WDFY4: variants seen among roughly 807,000 people sequenced by gnomAD.
WDFY4 encodes WDFY family member 4, also known as WD repeat- and FYVE domain-containing protein 4.
A neutral mutation model predicts 351.9 loss-of-function variants in WDFY4; 169 were observed. That is an observed-to-expected ratio of 0.48 (90% confidence interval 0.42 to 0.55). WDFY4 has a LOEUF of 0.55. Among genes scored for constraint, WDFY4 ranks in the 20% least tolerant of loss-of-function variants. The probability of loss-of-function intolerance (pLI) is 0.00; values close to 1 mark genes in which losing one functional copy is unlikely to be tolerated. For synonymous variants in WDFY4, 1,622 were observed against 1,574.6 expected, an observed-to-expected ratio of 1.03 and a Z score of -0.71; for missense variants, 3,803 against 3,935.6, an observed-to-expected ratio of 0.97 and a Z score of 0.90.
chr10:48,738,343 G>A (rs746153937), intron 11 of WDFY4, among the ~76,000 whole-genome samples: 3 of 152,240 alleles, frequency 2.0e-5, no homozygotes, highest in Non-Finnish European at 4.4e-5. Flanking sequence ...AATTAGTAAT[G>A]TAAAGTCGTT....
chr10:48,770,930 G>T (rs1264554943), intron 13 of WDFY4, among the ~76,000 whole-genome samples: 1 of 152,188 alleles, frequency 6.6e-6, no homozygotes. Context: ...TTTCAGAATG[G>T]CAAAATGCAG....
chr10:48,916,543 G>A (rs1401614885), intron 47 of WDFY4, among the ~76,000 whole-genome samples: 1 of 152,124 alleles, frequency 6.6e-6, no homozygotes, highest in African/African-American at 2.4e-5. Flanking sequence ...CTACCCTACT[G>A]CCACTTGGCT....
At chr10:48,873,790 C>T (rs769430917) in intron 41 of WDFY4, 93 bp downstream of exon 41, 1 of 1,374,842 alleles carries the variant, frequency 7.3e-7, no homozygotes, top group Non-Finnish European at 9.9e-7. Context: ...TTGTTTATAT[C>T]AGGCTAAGAT....
At chr10:48,778,540 A>G (rs2066112201) in intron 17 of WDFY4, 71 bp from the exon 18 acceptor site, 2 of 1,460,264 alleles carry the variant, frequency 1.4e-6, no homozygotes, top group Non-Finnish European at 1.9e-6. Flanking sequence ...AATCAGCACC[A>G]TAGTGAATCT....
In WDFY4 at chr10:48,684,995, C is replaced by A. The variant is rs1431879786; in HGVS notation, c.-24C>A. Reference sequence around the variant, plus strand: ...ATGTCTACAGGCGCTGACGGCCACCCCTCCAGGTAGGCCACCTTGCTCTTG... The same window carrying A: ...ATGTCTACAGGCGCTGACGGCCACCACTCCAGGTAGGCCACCTTGCTCTTG... On this transcript the variant is annotated 5_prime_UTR_variant, in exon 1 of 62. Coordinates refer to ENST00000325239, the MANE Select transcript of WDFY4 (RefSeq NM_001394531.1). 4 of 152,360 alleles carry A rather than the reference C, an allele frequency of 2.6e-5. No homozygotes were observed. The highest frequency in any genetic ancestry group is 4.8e-5 in the African/African-American group (2 of 41,450). The allele number at this position is 152,360 out of a possible 1,614,324, so 9.4% of individuals were successfully genotyped here.
chr10:48,734,144 A>G, intron 10 of WDFY4, 109 bp downstream of exon 10: 2 of 942,004 alleles, frequency 2.1e-6, no homozygotes, highest in Non-Finnish European at 1.6e-6. Context: ...ACCAATACAC[A>G]GCGTTAGCTG....
At chr10:48,913,258 AAGG>A in intron 47 of WDFY4, 1 of 800,950 alleles carries the variant, frequency 1.2e-6, no homozygotes. Context: ...AAAGTAAGGA[AAGG>A]AGTTTTATGG....
At chr10:48,719,450 C>T (rs1279722050) in intron 2 of WDFY4, among the ~76,000 whole-genome samples, 1 of 152,174 alleles carries the variant, frequency 6.6e-6, no homozygotes, top group African/African-American at 2.4e-5. Flanking sequence ...CCTGGAGAGT[C>T]TAATCTGCTC....
chr10:48,762,959 C>T (rs2065556577), intron 13 of WDFY4, among the ~76,000 whole-genome samples: 1 of 152,168 alleles, frequency 6.6e-6, no homozygotes, highest in Non-Finnish European at 1.5e-5. Flanking sequence ...GTGAGAGATG[C>T]CTATGGGGAA....
intron 23 of WDFY4, among the ~76,000 whole-genome samples, chr10:48,794,536 A>G (rs2066791208): frequency 6.6e-6 from 1 of 152,168 alleles, no homozygotes; most frequent in Non-Finnish European, 1.5e-5. Flanking sequence ...TAATCTAAGG[A>G]AATTGATGAA....
In WDFY4 at chr10:48,735,428, A is replaced by G. The variant is rs73308021; in HGVS notation, c.1688-452A>G. On this transcript the variant is annotated intron_variant, in intron 10 of 61. Coordinates refer to ENST00000325239, the MANE Select transcript of WDFY4 (RefSeq NM_001394531.1). ...AGAAAATTGTCATTGGCTCTGGGGA[A>G]GAAATTATGGGGAAATCAAGGGAGA... is the stretch of plus-strand genomic sequence containing the variant. 4.5e-3 allele frequency among the ~76,000 whole-genome samples: 683 copies of G among 152,350 alleles called. 5 individuals are homozygous for G. The highest frequency in any genetic ancestry group is 0.016 in the African/African-American group (647 of 41,580).
intron 44 of WDFY4, among the ~76,000 whole-genome samples, chr10:48,891,320 G>A (rs17772304): frequency 0.038 from 5,716 of 152,322 alleles, 144 homozygotes; most frequent in Non-Finnish European, 0.059. Context: ...AAATACAAGA[G>A]ACCTTTGGCA....
At chr10:48,747,362 A>G (rs572743025) in intron 12 of WDFY4, among the ~76,000 whole-genome samples, 1 of 152,240 alleles carries the variant, frequency 6.6e-6, no homozygotes, top group African/African-American at 2.4e-5. Context: ...ATTTTGCTTC[A>G]TATTCATTGG....
intron 13 of WDFY4, 62 bp from the exon 14 acceptor site, chr10:48,774,396 T>G: frequency 6.5e-7 from 1 of 1,529,132 alleles, no homozygotes; most frequent in Non-Finnish European, 8.9e-7. Flanking sequence ...TTGGAGCCTA[T>G]AAAAGCTGTC....
At position 48,968,914 on chromosome 10, in the gene WDFY4, A is replaced by G; in HGVS notation, c.8585-150A>G. The G allele has an allele frequency of 4.0e-6, 3 of 743,248 alleles. No homozygotes were observed. The South Asian group carries it at 5.5e-5, about 14-fold the overall frequency. 46.0% of individuals were successfully genotyped at this position (743,248 alleles called of 1,614,324 possible). ...TTCAAGTCCAGTGTGTCTGCCTGTCACTCCTGCCCAGGGCCCAGCTGCAGT... is the reference window on the plus strand; with the variant it reads ...TTCAAGTCCAGTGTGTCTGCCTGTCGCTCCTGCCCAGGGCCCAGCTGCAGT... On this transcript the variant is annotated intron_variant, in intron 55 of 61. Transcript: ENST00000325239.
intron 16 of WDFY4, 58 bp from the exon 17 acceptor site, chr10:48,777,361 T>G: frequency 6.9e-7 from 1 of 1,444,650 alleles, no homozygotes; most frequent in Non-Finnish European, 9.5e-7. Context: ...AGACTAGCTG[T>G]GTCAGTGCAA....
chr10:48,824,792 C>T (rs777000469), intron 35 of WDFY4, among the ~76,000 whole-genome samples: 5 of 152,172 alleles, frequency 3.3e-5, no homozygotes, highest in African/African-American at 7.2e-5. Flanking sequence ...ACATGTACCA[C>T]CTTGCCTGGA....
At chr10:48,761,992 G>A (rs2065521952) in intron 13 of WDFY4, among the ~76,000 whole-genome samples, 1 of 152,192 alleles carries the variant, frequency 6.6e-6, no homozygotes, top group African/African-American at 2.4e-5. Flanking sequence ...GCCTTACCTT[G>A]GGGCAGGACT....
At chr10:48,919,358 G>A (rs1838846625) in intron 47 of WDFY4, among the ~76,000 whole-genome samples, 1 of 152,096 alleles carries the variant, frequency 6.6e-6, no homozygotes, top group African/African-American at 2.4e-5. Context: ...AACCCAAATA[G>A]ACCTGTATTT....
Sources: gnomAD v4.1 joint callset for allele counts (sites outside exome capture counted in the v4.1 genomes callset) on GRCh38, gnomAD v4.1.1 for gene constraint, MANE v1.5 for transcripts, NCBI Gene and HGNC (gene_info 2026-07-23, HGNC 2026-07-21) for gene names.